Variants in G3BP1 observed in about 807,000 individuals in gnomAD.
G3BP1 encodes ras GTPase-activating protein-binding protein 1.
A neutral mutation model predicts 58.6 loss-of-function variants in G3BP1; 35 were observed. The observed-to-expected ratio is 0.60, with a 90% CI of 0.46 to 0.79. G3BP1 has a LOEUF of 0.79. Among genes scored for constraint, G3BP1 ranks in the 30% least tolerant of loss-of-function variants. The pLI is 0.00. For synonymous variants in G3BP1, 191 were observed against 195.4 expected (o/e 0.98, Z 0.19); for missense variants, 523 against 580.8 (o/e 0.90, Z 1.02).
At chr5:151,777,446 C>T (rs1343773403) in intron 1 of G3BP1, among the ~76,000 whole-genome samples, 2 of 152,080 alleles carry the variant, frequency 1.3e-5, no homozygotes, top group Non-Finnish European at 2.9e-5. Context: ...TCCTTTTTTT[C>T]TATACGGGCT....
chr5:151,795,336 C>G, intron 5 of G3BP1, 143 bp from the exon 6 acceptor site: 2 of 573,396 alleles, frequency 3.5e-6, no homozygotes, highest in South Asian at 4.3e-5. Context: ...TCCTTAAAGT[C>G]AGTGCCATGA....
Position 151,811,352 on chromosome 5 carries a change from A to G in G3BP1, c.*7261A>G, listed in dbSNP as rs1379220615. The G allele has an allele frequency of 1.3e-5, 2 of 152,206 alleles. No individual in the cohort carries two copies. Among genetic ancestry groups the G allele is most frequent in the African/African-American group, 4.8e-5 (2 of 41,446 alleles). 9.4% of individuals were successfully genotyped at this position (152,206 alleles called of 1,614,324 possible). Reference sequence around the variant, plus strand: ...CTATCAATAAATACTTCTTGAATGAACAAATGAATTCTCATTTCTCGACAT... The same window carrying G: ...CTATCAATAAATACTTCTTGAATGAGCAAATGAATTCTCATTTCTCGACAT... On this transcript the variant is annotated 3_prime_UTR_variant, in exon 12 of 12. Transcript: ENST00000356245.
chr5:151,797,233 C>G lies in G3BP1; in HGVS notation c.546C>G (p.Asp182Glu). Residue 182 changes from aspartate to glutamate, a missense_variant, in exon 7 of 12, where the codon GAC becomes GAG. This residue lies in a region of G3BP1 where 398 missense variants were observed against 399.1 expected (regional missense o/e 1.00). Transcript: ENST00000356245. ...TCAAATTTTCCTGTCAAAGTAATGACATGGAAGAACATTTAGAGGAGCCTG... is the reference window on the plus strand; with the variant it reads ...TCAAATTTTCCTGTCAAAGTAATGAGATGGAAGAACATTTAGAGGAGCCTG... ...TFYDQAVVSN[D>E]MEEHLEEPVA... is the part of the protein sequence containing the mutation. 6.2e-7 allele frequency: 1 copy of G among 1,613,368 alleles called. No individual in the cohort carries two copies.
At chr5:151,789,641 A>G (rs1762612677) in intron 2 of G3BP1, among the ~76,000 whole-genome samples, 1 of 152,224 alleles carries the variant, frequency 6.6e-6, no homozygotes, top group African/African-American at 2.4e-5. Context: ...ATACATTAAT[A>G]AAAGGACACT....
At chr5:151,790,630 A>G (rs918948726) in intron 3 of G3BP1, among the ~76,000 whole-genome samples, 1 of 152,160 alleles carries the variant, frequency 6.6e-6, no homozygotes, top group Non-Finnish European at 1.5e-5. Flanking sequence ...TGTGTGTTGG[A>G]AGATAATTGG....
At chr5:151,783,625 A>G (rs1762509614) in intron 1 of G3BP1, among the ~76,000 whole-genome samples, 1 of 151,836 alleles carries the variant, frequency 6.6e-6, no homozygotes, top group African/African-American at 2.4e-5. Context: ...TCCTGGCCTC[A>G]AGTGATCTGT....
In G3BP1 at chr5:151,799,786, A is replaced by G. The variant is rs1762818921; in HGVS notation, c.844-103A>G. On this transcript the variant is annotated intron_variant, in intron 8 of 11. Transcript: ENST00000356245. ...TTTTAATGATTTTTCTTGTGAGGGA[A>G]TTGTCCATTTTGTAGTTTAAAACTT... 6.6e-5 allele frequency: 44 copies of G among 669,272 alleles called. 2 individuals carry two copies. In the South Asian group the frequency reaches 8.3e-4, roughly 13 times the overall value. The allele number at this position is 669,272 out of a possible 1,614,324, so 41.5% of individuals were successfully genotyped here.
chr5:151,800,367 C>T, intron 10 of G3BP1, 21 bp downstream of exon 10: 1 of 1,589,884 alleles, frequency 6.3e-7, no homozygotes, highest in Non-Finnish European at 8.6e-7. Flanking sequence ...GAGTTTTGAA[C>T]ACTAAATTCA....
intron 11 of G3BP1, among the ~76,000 whole-genome samples, chr5:151,802,450 A>G (rs966937152): frequency 6.6e-6 from 1 of 152,212 alleles, no homozygotes; most frequent in African/African-American, 2.4e-5. Flanking sequence ...GGTGTATGAC[A>G]TACTGTAGTG....
rs183017782 is a variant in G3BP1, at chr5:151,799,706, A to C, written c.844-183A>C. ...GCTCAAAAAAAAAAAACCAACCCAA[A>C]TCAATGTAGAAACAGAACTGACATA... On this transcript the variant is annotated intron_variant, in intron 8 of 11. Transcript: ENST00000356245. Among the ~76,000 whole-genome samples, 817 of 152,146 alleles carry C rather than the reference A, an allele frequency of 5.4e-3. 6 individuals are homozygous for C. The highest frequency in any genetic ancestry group is 0.029 in the South Asian group (142 of 4,818).
rs1257236572 is a variant in G3BP1, at chr5:151,807,600, C to T, written c.*3509C>T. On this transcript the variant is annotated 3_prime_UTR_variant, in exon 12 of 12. Coordinates refer to ENST00000356245, the MANE Select transcript of G3BP1 (RefSeq NM_005754.3). ...ATCAGGTTTGATAATTTAATGCAAA[C>T]TTCAAATCTGGATGTGAATAATAAT... The T allele has an allele frequency of 6.6e-6, 1 of 152,142 alleles. No homozygotes were observed. Among genetic ancestry groups the T allele is most frequent in the Non-Finnish European group, 1.5e-5 (1 of 68,018 alleles). The allele number at this position is 152,142 out of a possible 1,614,324, so 9.4% of individuals were successfully genotyped here.
Position 151,797,340 on chromosome 5 carries a change from T to G in G3BP1, c.653T>G (p.Val218Gly). The G allele has an allele frequency of 6.2e-7, 1 of 1,614,112 alleles. No individual in the cohort carries two copies. The change falls in exon 7 of 12, where the codon GTA (valine) becomes GGA (glycine). Residue 218 changes from valine to glycine, a missense_variant. Physicochemically the swap from Val to Gly is moderately radical, Grantham distance 109. Around this residue, in one of 2 missense-constraint regions of G3BP1, gnomAD observed 398 missense variants for 399.1 expected, o/e 1.00. Transcript: ENST00000356245. ...SEIQEEKPEP[V>G]LEETAPEDAQ... ...ATCCAAGAGGAAAAGCCTGAGCCAG[T>G]ATTAGAAGAAACTGCCCCTGAGGAT...
At chr5:151,775,566 A>G (rs1352607193) in intron 1 of G3BP1, among the ~76,000 whole-genome samples, 1 of 152,266 alleles carries the variant, frequency 6.6e-6, no homozygotes, top group Non-Finnish European at 1.5e-5. Flanking sequence ...CTGCCCTTGC[A>G]GGCTTCTCCC....
At chr5:151,797,937 G>T (rs999671037) in intron 7 of G3BP1, among the ~76,000 whole-genome samples, 2 of 152,034 alleles carry the variant, frequency 1.3e-5, no homozygotes, top group Non-Finnish European at 2.9e-5. Flanking sequence ...TCTGAGTCTC[G>T]TCAGGGTGAT....
In G3BP1 at chr5:151,790,881, T is replaced by A. The variant is rs111691015; in HGVS notation, c.178-8T>A. On this transcript the variant is annotated splice_polypyrimidine_tract_variant and splice_region_variant and intron_variant, in intron 3 of 11. Transcript: ENST00000356245. ...GTTGATTATTATTATTATTATTATTTTTTTAAGGAAATCCACAGGAAAGTG... is the reference window on the plus strand; with the variant it reads ...GTTGATTATTATTATTATTATTATTATTTTAAGGAAATCCACAGGAAAGTG... 294 of 1,497,142 alleles carry A rather than the reference T, an allele frequency of 2.0e-4. No homozygotes were observed. Among genetic ancestry groups the A allele is most frequent in the African/African-American group, 1.3e-3 (92 of 72,020 alleles). 92.7% of individuals were successfully genotyped at this position (1,497,142 alleles called of 1,614,324 possible).
intron 5 of G3BP1, among the ~76,000 whole-genome samples, 178 bp downstream of exon 5, chr5:151,794,427 C>A (rs1041213301): frequency 3.9e-5 from 6 of 152,112 alleles, no homozygotes; most frequent in African/African-American, 1.4e-4. Flanking sequence ...AACAGGTTAG[C>A]TTATATCATG....
intron 4 of G3BP1, chr5:151,791,960 T>A: frequency 2.6e-6 from 1 of 385,946 alleles, no homozygotes; most frequent in Non-Finnish European, 5.1e-6. Flanking sequence ...AGCCTTATTT[T>A]TTCTCTTTTT....
chr5:151,777,096 C>T (rs1269886112), intron 1 of G3BP1, among the ~76,000 whole-genome samples: 1 of 152,034 alleles, frequency 6.6e-6, no homozygotes, highest in African/African-American at 2.4e-5. Context: ...GTGGTAAATG[C>T]GAAGAGTTTG....
At chr5:151,787,800 A>G (rs1038282165) in intron 2 of G3BP1, 2 of 318,408 alleles carry the variant, frequency 6.3e-6, no homozygotes, top group South Asian at 2.5e-5. Context: ...ATCAGGTATA[A>G]AATAAAATTT....
Sources: allele counts gnomAD v4.1 joint callset (sites outside exome capture counted in the v4.1 genomes callset), GRCh38; gene constraint gnomAD v4.1.1; regional missense constraint gnomAD v4.1.1; transcripts MANE v1.5; gene names NCBI Gene and HGNC (gene_info 2026-07-23, HGNC 2026-07-21).